Variants in COLEC10 observed in about 807,000 individuals in gnomAD.
COLEC10 encodes the protein collectin-10.
Under a neutral mutation model 28.4 loss-of-function variants are expected in COLEC10, and 22 were observed. The observed-to-expected ratio is 0.78, with a 90% CI of 0.55 to 1.11. The LOEUF (loss-of-function observed/expected upper bound fraction) is 1.11, where lower values mean the gene tolerates loss of function less well. COLEC10 is among the 50% of genes least tolerant of loss of function. The pLI is 0.00. For missense variants in COLEC10, 361 were observed against 344.1 expected (o/e 1.05, Z -0.39); for synonymous variants, 125 against 116.1 (o/e 1.08, Z -0.49).
the COLEC10 span, among the ~76,000 whole-genome samples, chr8:118,978,286 A>G: frequency 6.6e-6 from 1 of 152,144 alleles, no homozygotes; most frequent in African/African-American, 2.4e-5. Context: ...ATATGGTGTC[A>G]CATTTCCTCA....
At chr8:119,064,996 C>A (rs575791277), upstream of COLEC10, among the ~76,000 whole-genome samples, 23 of 152,236 alleles carry the variant, frequency 1.5e-4, no homozygotes, top group Admixed American at 5.9e-4. Context: ...GTGCTAGTTT[C>A]CTTCCCTGTA....
intron 2 of COLEC10, among the ~76,000 whole-genome samples, chr8:119,020,007 C>T (rs1814064663): frequency 6.6e-6 from 1 of 152,184 alleles, no homozygotes; most frequent in Non-Finnish European, 1.5e-5. Context: ...ACACAAGGTC[C>T]AGATCATGCA....
At chr8:118,979,699 T>C in the COLEC10 span, among the ~76,000 whole-genome samples, 7 of 152,160 alleles carry the variant, frequency 4.6e-5, no homozygotes, top group Non-Finnish European at 1.0e-4. Flanking sequence ...TTTCAAGTAT[T>C]GTTCATGTCT....
At chr8:118,969,691 TTC>T in the COLEC10 span, among the ~76,000 whole-genome samples, 1 of 151,020 alleles carries the variant, frequency 6.6e-6, no homozygotes, top group African/African-American at 2.4e-5. Context: ...GTTTCTTTCT[TTC>T]TTTTTTTTTT....
the COLEC10 span, among the ~76,000 whole-genome samples, chr8:118,964,191 A>G: frequency 1.3e-5 from 2 of 152,204 alleles, no homozygotes; most frequent in African/African-American, 4.8e-5. Flanking sequence ...CACACCTAAT[A>G]GCCAATCTTG....
chr8:119,071,471 T>C (rs963334356), intron 1 of COLEC10, among the ~76,000 whole-genome samples: 2 of 152,182 alleles, frequency 1.3e-5, no homozygotes, highest in African/African-American at 4.8e-5. Context: ...CGTTGGCTCT[T>C]GATGGCTCCT....
chr8:119,061,644 C>T (rs981278960), intron 2 of COLEC10, among the ~76,000 whole-genome samples: 2 of 151,782 alleles, frequency 1.3e-5, no homozygotes, highest in East Asian at 1.9e-4. Context: ...TTTGAAGGTA[C>T]AATTACTATA....
chr8:119,059,461 C>A (rs1380545437), intron 2 of COLEC10, among the ~76,000 whole-genome samples: 1 of 151,936 alleles, frequency 6.6e-6, no homozygotes, highest in African/African-American at 2.4e-5. Context: ...GTTGAAAAGA[C>A]CCCCGAACAT....
chr8:118,997,732 T>A (rs998207550), intron 1 of COLEC10, among the ~76,000 whole-genome samples: 1 of 152,190 alleles, frequency 6.6e-6, no homozygotes, highest in Non-Finnish European at 1.5e-5. Flanking sequence ...ATTGGTCATG[T>A]TTAATAACTG....
intron 2 of COLEC10, among the ~76,000 whole-genome samples, chr8:119,048,812 A>G (rs1175435521): frequency 6.6e-6 from 1 of 151,796 alleles, no homozygotes; most frequent in Non-Finnish European, 1.5e-5. Flanking sequence ...TATAGCTTTT[A>G]AATGGGGCAT....
At chr8:119,016,627 T>C (rs1049782089) in intron 2 of COLEC10, among the ~76,000 whole-genome samples, 1 of 152,116 alleles carries the variant, frequency 6.6e-6, no homozygotes, top group Non-Finnish European at 1.5e-5. Context: ...GTTGAACTAA[T>C]ACACTCCCAC....
chr8:119,031,807 C>A (rs534481785), intron 2 of COLEC10, among the ~76,000 whole-genome samples: 3 of 152,226 alleles, frequency 2.0e-5, no homozygotes, highest in East Asian at 1.9e-4. Context: ...TTTTACTTGA[C>A]CTTAATTCAA....
intron 1 of COLEC10, among the ~76,000 whole-genome samples, chr8:119,001,940 C>G (rs1563713046): frequency 6.6e-6 from 1 of 152,136 alleles, no homozygotes; most frequent in Non-Finnish European, 1.5e-5. Context: ...AAATCAAAAC[C>G]ATATTCAATT....
At chr8:118,962,018 T>G in the COLEC10 span, among the ~76,000 whole-genome samples, 1 of 152,250 alleles carries the variant, frequency 6.6e-6, no homozygotes, top group South Asian at 2.1e-4. Flanking sequence ...CCCCCTGTTG[T>G]TTTGCATGAC....
chr8:118,965,673 A>G, the COLEC10 span, among the ~76,000 whole-genome samples: 1 of 151,980 alleles, frequency 6.6e-6, no homozygotes, highest in African/African-American at 2.4e-5. Context: ...AAGTAGAGTG[A>G]TTGCTGGGTA....
Position 119,104,026 on chromosome 8 carries a change from T to C in COLEC10, c.442+131T>C, listed in dbSNP as rs74849942. On this transcript the variant is annotated intron_variant, in intron 5 of 5. Coordinates refer to ENST00000332843, the MANE Select transcript of COLEC10 (RefSeq NM_006438.5). ...TGAGATAGTGTCACCAGTTTAAGGG[T>C]CTCCCAAATTGCTAATTATCCACTA... The C allele has an allele frequency of 9.1e-3, 5,807 of 635,778 alleles. 372 individuals carry two copies. The East Asian group carries it at 0.14, about 15-fold the overall frequency. 39.4% of individuals were successfully genotyped at this position (635,778 alleles called of 1,614,324 possible).
intron 2 of COLEC10, among the ~76,000 whole-genome samples, chr8:119,053,638 C>T (rs1814713206): frequency 6.6e-6 from 1 of 151,136 alleles, no homozygotes; most frequent in African/African-American, 2.4e-5. Flanking sequence ...TTTGTGTCTC[C>T]AGATGGTAAC....
intron 2 of COLEC10, among the ~76,000 whole-genome samples, chr8:119,059,760 T>C (rs1172833548): frequency 6.6e-6 from 1 of 152,092 alleles, no homozygotes; most frequent in Non-Finnish European, 1.5e-5. Context: ...CAAGAACAAA[T>C]GCTTAGTTAG....
upstream of COLEC10, among the ~76,000 whole-genome samples, chr8:119,065,892 G>GAAAAA (rs1814946429): frequency 2.0e-5 from 3 of 151,526 alleles, no homozygotes; most frequent in South Asian, 6.3e-4. Flanking sequence ...AAAAGAAAAA[G>GAAAAA]TAATGTGCCT....
Sources: gnomAD v4.1 joint callset for allele counts (sites outside exome capture counted in the v4.1 genomes callset) on GRCh38, gnomAD v4.1.1 for gene constraint, MANE v1.5 for transcripts, NCBI Gene and HGNC (gene_info 2026-07-23, HGNC 2026-07-21) for gene names.